EP400: variants seen among roughly 807,000 people sequenced by gnomAD.
EP400 encodes E1A-binding protein p400.
Under a neutral mutation model 354.1 loss-of-function variants are expected in EP400, and 105 were observed. That is an observed-to-expected ratio of 0.30 (90% CI 0.25 to 0.35). EP400 has a LOEUF of 0.35. Ranked by LOEUF, EP400 falls within the 10% of genes least tolerant of loss-of-function variation. The pLI is 1.00. For missense variants in EP400, 3,280 were observed against 4,121.0 expected (o/e 0.80, Z 5.59); for synonymous variants, 1,646 against 1,716.9 (o/e 0.96, Z 1.02).
chr12:132,024,180 G>A (rs1180858997), intron 24 of EP400, among the ~76,000 whole-genome samples: 1 of 152,210 alleles, frequency 6.6e-6, no homozygotes, highest in Non-Finnish European at 1.5e-5. Flanking sequence ...CAGCATCTGC[G>A]CTTTGAAGAG....
Position 131,979,754 on chromosome 12 carries a change from T to A in EP400, c.1396T>A (p.Phe466Ile). 6.2e-7 allele frequency: 1 copy of A among 1,609,488 alleles called. No homozygotes were observed. The highest frequency in any genetic ancestry group is 1.7e-5 in the Admixed American group (1 of 59,416). The change falls in exon 3 of 53, where the codon TTT becomes ATT. Residue 466 changes from phenylalanine (F) to isoleucine (I), a missense_variant. Physicochemically the swap from Phe to Ile is conservative, Grantham distance 21. Around this residue, in one of 20 missense-constraint regions of EP400, gnomAD observed 800 missense variants for 840.0 expected, o/e 0.95. Coordinates refer to ENST00000389561, the MANE Select transcript of EP400 (RefSeq NM_015409.5). ...CGGAAGCACAGTAGAGACGGACCTG[T>A]TTAAGAGGCAGCAGGCGATGCCCTC... ...GAGSTVETDL[F>I]KRQQAMPSTG...
At chr12:131,988,152 G>A (rs1299232097) in intron 7 of EP400, among the ~76,000 whole-genome samples, 6 of 151,984 alleles carry the variant, frequency 3.9e-5, no homozygotes, top group Non-Finnish European at 8.8e-5. Flanking sequence ...GATTGCAGGC[G>A]TGAACCACTG....
In EP400 at chr12:132,077,649, A is replaced by G. The variant is rs1203012519; in HGVS notation, c.9348A>G (p.Thr3116=). ...QMRVPAVRLK[T]PTKPPCQ The stretch of plus-strand genomic sequence containing the variant: ...GGGTCCCTGCTGTCAGGCTAAAGAC[A>G]CCTACTAAGCCTCCGTGCCAGTAGT... Residue 3116 remains threonine (T), a synonymous_variant, in exon 53 of 53, where the codon ACA becomes ACG. Transcript: ENST00000389561. 1 of 1,612,182 alleles carries G rather than the reference A, an allele frequency of 6.2e-7. No homozygotes were observed. Among genetic ancestry groups the G allele is most frequent in the Non-Finnish European group, 8.5e-7 (1 of 1,179,162 alleles).
At chr12:131,992,025 C>A in intron 10 of EP400, 148 bp from the exon 11 acceptor site, 1 of 770,928 alleles carries the variant, frequency 1.3e-6, no homozygotes, top group Non-Finnish European at 2.3e-6. Flanking sequence ...TCCCCCGCTG[C>A]CCTGCCCCGA....
chr12:131,963,572 C>A, intron 2 of EP400: 2 of 1,598,452 alleles, frequency 1.3e-6, no homozygotes, highest in Non-Finnish European at 1.7e-6. Flanking sequence ...ACTGGGACTC[C>A]CGTTGCTATA....
Position 132,045,734 on chromosome 12 carries a change from A to T in EP400, c.7034A>T (p.Lys2345Met). The T allele has an allele frequency of 1.9e-6, 3 of 1,614,222 alleles. No individual in the cohort carries two copies. Among genetic ancestry groups the T allele is most frequent in the East Asian group, 2.2e-5 (1 of 44,880 alleles). ...TGAAATCTCCTTCTCTAGGCTGTAA[A>T]GCAGTTACTGGAGCTGCCTTTGAAC... ...SEDWALLQAV[K>M]QLLELPLNLT... The change falls in exon 39 of 53, where the codon AAG becomes ATG. Residue 2345 changes from lysine (K) to methionine (M), a missense_variant. By Grantham distance (95) the Lys-to-Met change is moderately conservative (BLOSUM62 -1). Coordinates refer to ENST00000389561, the MANE Select transcript of EP400 (RefSeq NM_015409.5).
Position 132,050,217 on chromosome 12 carries a change from C to A in EP400, c.7201-106C>A. On this transcript the variant is annotated intron_variant, in intron 39 of 52. Coordinates refer to ENST00000389561, the MANE Select transcript of EP400 (RefSeq NM_015409.5). This position sits in a 1 kb window ranked among gnomAD's most constrained non-coding sequence, Gnocchi z 4.8. Reference sequence around the variant, plus strand: ...CCAGGAAAAGGAAGTTTGTGTTCAGCCATGGGGAGTTTAGCCTCAGATTCC... The same window carrying A: ...CCAGGAAAAGGAAGTTTGTGTTCAGACATGGGGAGTTTAGCCTCAGATTCC... The A allele has an allele frequency of 7.3e-7, 1 of 1,366,792 alleles. No homozygotes were observed. The highest frequency in any genetic ancestry group is 1.0e-6 in the Non-Finnish European group (1 of 991,870). 84.7% of individuals were successfully genotyped at this position (1,366,792 alleles called of 1,614,324 possible).
chr12:132,073,934 T>TG (rs2136624081), intron 51 of EP400, among the ~76,000 whole-genome samples: 1 of 134,962 alleles, frequency 7.4e-6, no homozygotes, highest in Non-Finnish European at 1.6e-5. Flanking sequence ...TTTTTTTTTT[T>TG]TTTTTTTTTT....
At position 132,025,952 on chromosome 12, in the gene EP400, C is replaced by G; in HGVS notation, c.5014+148C>G. The stretch of plus-strand genomic sequence containing the variant: ...CCATCTCTGATTTCTATAGATGTGT[C>G]CTAGTGTCAGCCTGATTTATTTTCT... On this transcript the variant is annotated intron_variant, in intron 25 of 52. Coordinates refer to ENST00000389561, the MANE Select transcript of EP400 (RefSeq NM_015409.5). This position sits in a 1 kb window ranked among gnomAD's most constrained non-coding sequence, Gnocchi z 4.1. 1.0e-6 allele frequency: 1 copy of G among 974,560 alleles called. No homozygotes were observed. The highest frequency in any genetic ancestry group is 1.4e-6 in the Non-Finnish European group (1 of 722,298). The allele number at this position is 974,560 out of a possible 1,614,324, so 60.4% of individuals were successfully genotyped here.
In EP400 at chr12:132,032,082, G is replaced by T. The variant is rs1593360583; in HGVS notation, c.5884G>T (p.Val1962Leu). 1 of 1,614,196 alleles carries T rather than the reference G, an allele frequency of 6.2e-7. No homozygotes were observed. The highest frequency in any genetic ancestry group is 8.5e-7 in the Non-Finnish European group (1 of 1,180,024). Residue 1962 changes from valine (V) to leucine (L), a missense_variant, in exon 30 of 53, where the codon GTG becomes TTG. Physicochemically the swap from Val to Leu is conservative, Grantham distance 32 (BLOSUM62 1). Coordinates refer to ENST00000389561, the MANE Select transcript of EP400 (RefSeq NM_015409.5). ...GTTTTATGACAATGACCTGAATCCAGTGATGGATGCCAAAGCTCAGGAGTG... is the reference window on the plus strand; with the variant it reads ...GTTTTATGACAATGACCTGAATCCATTGATGGATGCCAAAGCTCAGGAGTG... ...VVFYDNDLNP[V>L]MDAKAQEWCD... is the part of the protein sequence containing the mutation.
At chr12:131,959,356 A>G (rs566613049) in intron 1 of EP400, among the ~76,000 whole-genome samples, 1 of 152,258 alleles carries the variant, frequency 6.6e-6, no homozygotes, top group Admixed American at 6.5e-5. Flanking sequence ...AGAAAGAGCG[A>G]CCACAGTGGG....
chr12:132,023,723 C>T (rs1338228654), intron 23 of EP400, 54 bp from the exon 24 acceptor site: 44 of 1,595,468 alleles, frequency 2.8e-5, no homozygotes, highest in Non-Finnish European at 3.7e-5. Context: ...ATATGACACT[C>T]CCAAATTTTT....
intron 15 of EP400, among the ~76,000 whole-genome samples, chr12:132,009,434 G>A (rs1229840375): frequency 6.6e-6 from 1 of 152,142 alleles, no homozygotes; most frequent in African/African-American, 2.4e-5. Flanking sequence ...TAATGACCCA[G>A]CATAGTGACA....
intron 2 of EP400, among the ~76,000 whole-genome samples, chr12:131,962,398 A>C (rs1186299421): frequency 6.6e-6 from 1 of 152,186 alleles, no homozygotes. Context: ...ACTCGTATAG[A>C]TCTCCTTAAA....
In EP400 at chr12:132,021,326, G is replaced by GTT; in HGVS notation, c.4690+6_4690+7insTT. 6.6e-7 allele frequency: 1 copy of GTT among 1,513,296 alleles called. No individual in the cohort carries two copies. The highest frequency in any genetic ancestry group is 8.8e-7 in the Non-Finnish European group (1 of 1,138,044). 93.7% of individuals were successfully genotyped at this position (1,513,296 alleles called of 1,614,324 possible). A position where few individuals can be genotyped will look rare whatever the true frequency, so the allele number is the denominator to read the frequency against. Reference sequence around the variant, plus strand: ...AGGCCCAGGCCCGCTTGCCCAGTAAGTGGCCTCACCTTTCCAGGTTTCTGC... The same window carrying GTT: ...AGGCCCAGGCCCGCTTGCCCAGTAAGTTTGGCCTCACCTTTCCAGGTTTCTGC... On this transcript the variant is annotated splice_donor_region_variant and intron_variant, in intron 23 of 52. Coordinates refer to ENST00000389561, the MANE Select transcript of EP400 (RefSeq NM_015409.5).
intron 2 of EP400, among the ~76,000 whole-genome samples, chr12:131,970,924 C>T (rs974096171): frequency 5.9e-5 from 9 of 152,188 alleles, no homozygotes; most frequent in African/African-American, 2.2e-4. Flanking sequence ...TAATTACAGG[C>T]TGGGCGCTTT....
chr12:132,044,560 G>A (rs1360583305), intron 35 of EP400, 111 bp from the exon 36 acceptor site: 2 of 1,352,220 alleles, frequency 1.5e-6, no homozygotes, highest in African/African-American at 2.9e-5. Context: ...AAATAGTCAT[G>A]TTGATCAGAA....
Position 132,062,171 on chromosome 12 carries a change from G to T in EP400, c.7946G>T (p.Gly2649Val), listed in dbSNP as rs1895716692. The change falls in exon 46 of 53, where the codon GGC becomes GTC. Residue 2649 changes from glycine (G) to valine (V), a missense_variant. By Grantham distance (109) the Gly-to-Val change is moderately radical (BLOSUM62 -3). This residue lies in a region of EP400 where 255 missense variants were observed against 295.9 expected (regional missense o/e 0.86). Coordinates refer to ENST00000389561, the MANE Select transcript of EP400 (RefSeq NM_015409.5). ...VHTQPPPRAV[G>V]SPATATPDLV... is the part of the protein sequence containing the mutation. The stretch of plus-strand genomic sequence containing the variant: ...ACCCAGCCCCCGCCACGGGCAGTCG[G>T]CTCCCCAGCCACGGCGACCCCTGAC... 2.5e-6 allele frequency: 4 copies of T among 1,614,010 alleles called. No individual in the cohort carries two copies. Among genetic ancestry groups the T allele is most frequent in the Non-Finnish European group, 3.4e-6 (4 of 1,179,952 alleles).
intron 2 of EP400, among the ~76,000 whole-genome samples, chr12:131,968,602 A>G (rs1892180958): frequency 6.6e-6 from 1 of 152,188 alleles, no homozygotes; most frequent in African/African-American, 2.4e-5. Context: ...GTTGATATCT[A>G]CAAAACATCT....
Sources: allele counts gnomAD v4.1 joint callset (sites outside exome capture counted in the v4.1 genomes callset), GRCh38; gene constraint gnomAD v4.1.1; regional missense constraint gnomAD v4.1.1; non-coding constraint Gnocchi (gnomAD v3.1); transcripts MANE v1.5; gene names NCBI Gene and HGNC (gene_info 2026-07-23, HGNC 2026-07-21).